The following NFILZ variants were observed in gnomAD, a reference collection of about 807,000 sequenced individuals.
NFILZ encodes the protein NFIL3 like protein.
intron 3 of NFILZ, among the ~76,000 whole-genome samples, chr19:8,643,106 C>T (rs1273371599): frequency 1.3e-5 from 2 of 152,166 alleles, no homozygotes; most frequent in South Asian, 4.1e-4. Flanking sequence ...TGCACCACCA[C>T]ACCTGGCTAA....
chr19:8,653,856 A>G (rs1555748041), intron 3 of NFILZ, among the ~76,000 whole-genome samples: 2 of 152,192 alleles, frequency 1.3e-5, no homozygotes, highest in African/African-American at 2.4e-5. Context: ...ATAAAAGGCT[A>G]CATGTTGGGT....
At chr19:8,645,099 T>A (rs2042933598) in intron 3 of NFILZ, among the ~76,000 whole-genome samples, 1 of 150,226 alleles carries the variant, frequency 6.7e-6, no homozygotes, top group Non-Finnish European at 1.5e-5. Context: ...TTTTCTTACT[T>A]ATCAATTATC....
Position 8,677,514 on chromosome 19 carries a change from CT to C in NFILZ, c.750del (p.Ala251ProfsTer64), listed in dbSNP as rs1392817683. 1.3e-5 allele frequency: 2 copies of C among 152,248 alleles called. No homozygotes were observed. The highest frequency in any genetic ancestry group is 6.5e-5 in the Admixed American group (1 of 15,276). 9.4% of individuals were successfully genotyped at this position (152,248 alleles called of 1,614,324 possible). ...PMGLSPGVTC[P>X]APGNSPEGLG... ...GGTCTGTCTCCTGGGGTGACCTGCC[CT>C]GCCCCAGGGAACAGTCCTGAGGGTC... On this transcript the variant is annotated frameshift_variant, in exon 6 of 6. Coordinates refer to ENST00000691075, the MANE Select transcript of NFILZ (RefSeq NM_001378600.1). LOFTEE classifies it low-confidence loss of function (END_TRUNC).
chr19:8,659,948 A>G (rs1555748910), intron 3 of NFILZ, among the ~76,000 whole-genome samples: 1 of 152,184 alleles, frequency 6.6e-6, no homozygotes, highest in East Asian at 1.9e-4. Flanking sequence ...CACTTCTTTC[A>G]GTGAACTCCT....
rs117851131 is a variant in NFILZ at position 8,669,286 on chromosome 19, G to A, written c.-163-5265G>A. On this transcript the variant is annotated intron_variant, in intron 3 of 5. Transcript: ENST00000691075. ...AACAATAAATGAAAAATAGCTATGT[G>A]GGTTATTTATTATTATCAGGTACCA... 8.4e-3 allele frequency among the ~76,000 whole-genome samples: 1,275 copies of A among 152,172 alleles called. 9 individuals carry two copies. The highest frequency in any genetic ancestry group is 0.017 in the Middle Eastern group (5 of 292).
chr19:8,654,672 AAG>A (rs2042984439), intron 3 of NFILZ, among the ~76,000 whole-genome samples: 1 of 152,174 alleles, frequency 6.6e-6, no homozygotes, highest in East Asian at 1.9e-4. Flanking sequence ...GAAAAAGAAA[AAG>A]AAATAAATAT....
intron 3 of NFILZ, among the ~76,000 whole-genome samples, chr19:8,651,797 T>C (rs1264327610): frequency 6.6e-6 from 1 of 152,154 alleles, no homozygotes; most frequent in Non-Finnish European, 1.5e-5. Flanking sequence ...CCTCCCAAAG[T>C]GCTGGGATCA....
At chr19:8,643,202 A>G (rs1351805529) in intron 3 of NFILZ, among the ~76,000 whole-genome samples, 1 of 152,178 alleles carries the variant, frequency 6.6e-6, no homozygotes, top group Non-Finnish European at 1.5e-5. Flanking sequence ...TTCCTGCATC[A>G]GCCTCCCAAA....
At position 8,678,479 on chromosome 19, in the gene NFILZ, T is replaced by G. The variant is rs1195810170; in HGVS notation, c.*844T>G. On this transcript the variant is annotated 3_prime_UTR_variant, in exon 6 of 6. Transcript: ENST00000691075. ...ACCTATCCATCCATCCACCCATTCT[T>G]TCTTGCTTCTATCCATTTTCCCATC... Among the ~76,000 whole-genome samples, 1 of 150,456 alleles carries G rather than the reference T, an allele frequency of 6.6e-6. No homozygotes were observed. Among genetic ancestry groups the G allele is most frequent in the Non-Finnish European group, 1.5e-5 (1 of 67,622 alleles).
intron 3 of NFILZ, among the ~76,000 whole-genome samples, chr19:8,672,951 G>C (rs1555750413): frequency 1.3e-5 from 2 of 152,112 alleles, no homozygotes; most frequent in African/African-American, 4.8e-5. Context: ...TGGGCTCATG[G>C]TGGGTTTGTG....
intron 3 of NFILZ, among the ~76,000 whole-genome samples, chr19:8,654,318 G>GAA (rs146670629): frequency 0.33 from 30,848 of 92,668 alleles, 3,991 homozygotes; most frequent in Non-Finnish European, 0.47. Context: ...AAAAGCTACT[G>GAA]AAAAAAAAAA....
At position 8,650,946 on chromosome 19, in the gene NFILZ, A is replaced by G. The variant is rs186020404; in HGVS notation, c.-164+15200A>G. On this transcript the variant is annotated intron_variant, in intron 3 of 5. Coordinates refer to ENST00000691075, the MANE Select transcript of NFILZ (RefSeq NM_001378600.1). Reference sequence around the variant, plus strand: ...CCCATGTACAGAGGCAGTCCACATAAGCGGATTTAATTATCCACTTTCTTT... The same window carrying G: ...CCCATGTACAGAGGCAGTCCACATAGGCGGATTTAATTATCCACTTTCTTT... Among the ~76,000 whole-genome samples the G allele has an allele frequency of 4.5e-3, 685 of 152,060 alleles. 4 individuals carry two copies. The highest frequency in any genetic ancestry group is 8.5e-3 in the South Asian group (41 of 4,826).
chr19:8,631,557 CAT>C (rs1453773987), intron 1 of NFILZ, among the ~76,000 whole-genome samples: 5 of 152,182 alleles, frequency 3.3e-5, no homozygotes, highest in African/African-American at 1.2e-4. Context: ...AGTAGACAAA[CAT>C]CTGAGTCTTG....
chr19:8,663,967 G>C (rs1257370396), intron 3 of NFILZ, among the ~76,000 whole-genome samples: 3 of 152,080 alleles, frequency 2.0e-5, no homozygotes, highest in Admixed American at 2.0e-4. Flanking sequence ...GGTGACTGAG[G>C]CCAGTGCCCT....
intron 3 of NFILZ, among the ~76,000 whole-genome samples, chr19:8,652,960 C>G (rs1243817594): frequency 8.5e-6 from 1 of 117,618 alleles, no homozygotes; most frequent in Non-Finnish European, 1.8e-5. Context: ...CTTTCTTTCC[C>G]TTCCTTCCCT....
At chr19:8,641,850 G>C (rs1555746699) in intron 3 of NFILZ, among the ~76,000 whole-genome samples, 1 of 150,970 alleles carries the variant, frequency 6.6e-6, no homozygotes. Flanking sequence ...TTTAGAGAGA[G>C]CTTCTCACTC....
At chr19:8,669,720 G>C in intron 3 of NFILZ, among the ~76,000 whole-genome samples, 1 of 152,148 alleles carries the variant, frequency 6.6e-6, no homozygotes, top group East Asian at 1.9e-4. Flanking sequence ...CTGGATTCTG[G>C]CTGTGCGACC....
intron 1 of NFILZ, among the ~76,000 whole-genome samples, chr19:8,631,751 C>T (rs1296704569): frequency 6.6e-6 from 1 of 152,106 alleles, no homozygotes; most frequent in African/African-American, 2.4e-5. Context: ...TTTCTGCCTC[C>T]TCCGTCTACA....
intron 3 of NFILZ, among the ~76,000 whole-genome samples, chr19:8,658,574 G>A (rs912651456): frequency 9.2e-5 from 14 of 152,098 alleles, no homozygotes; most frequent in African/African-American, 3.4e-4. Flanking sequence ...GAGCTGCACA[G>A]GACAAGTGAG....
Sources: gnomAD v4.1 joint callset for allele counts (sites outside exome capture counted in the v4.1 genomes callset) on GRCh38, gnomAD v4.1.1 for gene constraint, MANE v1.5 for transcripts, NCBI Gene and HGNC (gene_info 2026-07-23, HGNC 2026-07-21) for gene names.